FNDC3A: variants seen among roughly 807,000 people sequenced by gnomAD.
FNDC3A encodes the protein fibronectin type III domain containing 3A, also known as fibronectin type-III domain-containing protein 3A.
Under a neutral mutation model 148.9 loss-of-function variants are expected in FNDC3A, and 32 were observed. That is an observed-to-expected ratio of 0.21 (90% CI 0.16 to 0.29). The LOEUF is 0.29. Among genes scored for constraint, FNDC3A ranks in the 10% least tolerant of loss-of-function variants. The pLI is 1.00. For synonymous variants in FNDC3A, 472 were observed against 473.6 expected (o/e 1.00, Z 0.04); for missense variants, 1,191 against 1,452.8 (o/e 0.82, Z 2.93).
chr13:49,084,216 A>AGT (rs1593567592), intron 3 of FNDC3A, among the ~76,000 whole-genome samples: 1 of 152,316 alleles, frequency 6.6e-6, no homozygotes, highest in East Asian at 1.9e-4. Flanking sequence ...ACTTAACTGA[A>AGT]GTGGAGTATT....
intron 1 of FNDC3A, among the ~76,000 whole-genome samples, chr13:48,991,316 T>A (rs1951911482): frequency 6.6e-6 from 1 of 152,046 alleles, no homozygotes; most frequent in Admixed American, 6.6e-5. Flanking sequence ...AAAGAATTCT[T>A]ACCAGAGATA....
At chr13:49,014,316 T>C (rs879818356) in intron 2 of FNDC3A, among the ~76,000 whole-genome samples, 1 of 104,544 alleles carries the variant, frequency 9.6e-6, no homozygotes, top group African/African-American at 3.7e-5. Flanking sequence ...GGTATCTCAT[T>C]GTGGTTTTGA....
chr13:49,151,180 G>C (rs1021738950), intron 8 of FNDC3A, among the ~76,000 whole-genome samples: 1 of 152,088 alleles, frequency 6.6e-6, no homozygotes, highest in Admixed American at 6.5e-5. Flanking sequence ...TGAGAGTGGG[G>C]GGTTGAAGTC....
chr13:49,128,545 C>T (rs1881842067), intron 4 of FNDC3A, among the ~76,000 whole-genome samples: 1 of 152,092 alleles, frequency 6.6e-6, no homozygotes, highest in Non-Finnish European at 1.5e-5. Flanking sequence ...GTCTCCAGAC[C>T]CTACCACATA....
intron 2 of FNDC3A, among the ~76,000 whole-genome samples, chr13:49,012,805 ATGTGTGTGTG>A (rs61137549): frequency 4.5e-5 from 6 of 134,518 alleles, no homozygotes; most frequent in East Asian, 2.2e-4. Flanking sequence ...GCAATTATAA[ATGTGTGTGTG>A]TGTGTGTGTG....
At chr13:49,045,618 C>A (rs1333228998) in intron 2 of FNDC3A, 3 of 604,938 alleles carry the variant, frequency 5.0e-6, no homozygotes, top group African/African-American at 3.9e-5. Flanking sequence ...AAAGGTGAGT[C>A]TAGTTCTGTT....
At chr13:49,079,149 G>A (rs1878307712) in intron 3 of FNDC3A, among the ~76,000 whole-genome samples, 1 of 152,258 alleles carries the variant, frequency 6.6e-6, no homozygotes, top group African/African-American at 2.4e-5. Flanking sequence ...AGCTAGTTAT[G>A]GGCAGAGTTC....
chr13:49,147,275 G>T (rs1258705067), intron 8 of FNDC3A, among the ~76,000 whole-genome samples: 1 of 152,160 alleles, frequency 6.6e-6, no homozygotes, highest in African/African-American at 2.4e-5. Flanking sequence ...AGCCTGACCA[G>T]GGAGCACGAG....
Position 49,198,154 on chromosome 13 carries a change from A to T in FNDC3A, c.2663A>T (p.His888Leu), listed in dbSNP as rs1357836327. 1 of 1,614,212 alleles carries T rather than the reference A, an allele frequency of 6.2e-7. No individual in the cohort carries two copies. The highest frequency in any genetic ancestry group is 2.2e-5 in the East Asian group (1 of 44,888). ...ATAAGCTGGGAAAAGCCTTGTGATC[A>T]TGGTTCGGAAATCCTTGCCTACAGC... is the stretch of plus-strand genomic sequence containing the variant. ...LAISWEKPCDHGSEILAYSID... is the reference protein window; with the variant it reads ...LAISWEKPCDLGSEILAYSID... The change falls in exon 22 of 26, where the codon CAT (histidine) becomes CTT (leucine). Residue 888 changes from histidine to leucine, a missense_variant. By Grantham distance (99) the His-to-Leu change is moderately conservative. Transcript: ENST00000492622.
Position 48,982,252 on chromosome 13 carries a change from A to T in FNDC3A, c.-40+6075A>T, listed in dbSNP as rs900839221. On this transcript the variant is annotated intron_variant, in intron 1 of 25. Coordinates refer to ENST00000492622, the MANE Select transcript of FNDC3A (RefSeq NM_001079673.2). ...GCGATTTTATGTTTAAATTTTCTAAATTTTTTTTGTTTTCTTAAGACAGAC... is the reference window on the plus strand; with the variant it reads ...GCGATTTTATGTTTAAATTTTCTAATTTTTTTTTGTTTTCTTAAGACAGAC... Among the ~76,000 whole-genome samples the T allele has an allele frequency of 2.0e-5, 3 of 151,766 alleles. 1 individual carries two copies. Among genetic ancestry groups the T allele is most frequent in the South Asian group, 4.2e-4 (2 of 4,818 alleles).
At chr13:49,075,647 C>A (rs1878044831) in intron 3 of FNDC3A, among the ~76,000 whole-genome samples, 1 of 152,160 alleles carries the variant, frequency 6.6e-6, no homozygotes, top group African/African-American at 2.4e-5. Flanking sequence ...CTTAGTTTTT[C>A]AGAAAGATCA....
intron 3 of FNDC3A, among the ~76,000 whole-genome samples, chr13:49,082,967 G>C (rs1878577236): frequency 2.0e-5 from 3 of 152,126 alleles, no homozygotes; most frequent in African/African-American, 7.2e-5. Flanking sequence ...GACCTGGGTT[G>C]TAGGAGTCCC....
Position 49,038,103 on chromosome 13 carries a change from T to A in FNDC3A, c.99+31814T>A, listed in dbSNP as rs533318558. ...TCCAGCGGCCGATCTCTTCTCTGAT[T>A]GTCCCCACTGAACTCTTGGTGTTCA... On this transcript the variant is annotated intron_variant, in intron 2 of 25. Transcript: ENST00000492622. 3.3e-5 allele frequency among the ~76,000 whole-genome samples: 5 copies of A among 152,320 alleles called. No homozygotes were observed. In the South Asian group the frequency reaches 1.0e-3, roughly 32 times the overall value.
At chr13:49,182,271 G>A (rs1400175219) in intron 14 of FNDC3A, among the ~76,000 whole-genome samples, 2 of 152,122 alleles carry the variant, frequency 1.3e-5, no homozygotes, top group Non-Finnish European at 2.9e-5. Flanking sequence ...TTACAGGCAT[G>A]AGCCACGACA....
chr13:49,013,217 A>G (rs1952394311), intron 2 of FNDC3A, among the ~76,000 whole-genome samples: 1 of 152,100 alleles, frequency 6.6e-6, no homozygotes, highest in Non-Finnish European at 1.5e-5. Context: ...CAGGAGGCTG[A>G]GATGGGAGGA....
At chr13:49,000,529 T>C (rs1475867098) in intron 1 of FNDC3A, among the ~76,000 whole-genome samples, 1 of 152,242 alleles carries the variant, frequency 6.6e-6, no homozygotes, top group African/African-American at 2.4e-5. Flanking sequence ...TTCAACTTTG[T>C]TTTCTTTCAA....
chr13:49,158,019 C>T (rs1364715153), intron 8 of FNDC3A, among the ~76,000 whole-genome samples: 2 of 151,574 alleles, frequency 1.3e-5, no homozygotes, highest in Non-Finnish European at 2.9e-5. Flanking sequence ...CAGAGGCAGG[C>T]AGGCTTCCTG....
At chr13:49,057,652 A>G (rs1042623162) in intron 2 of FNDC3A, among the ~76,000 whole-genome samples, 11 of 152,176 alleles carry the variant, frequency 7.2e-5, no homozygotes, top group African/African-American at 2.7e-4. Context: ...TATACTTTTA[A>G]TGCATTAGTT....
chr13:49,031,535 A>G lies in FNDC3A; in HGVS notation c.99+25246A>G, dbSNP rs1874120319. The stretch of plus-strand genomic sequence containing the variant: ...GGTGCCTAGATGATTCTGCTGGGAA[A>G]GAATGGTCATTTCAACAAATGGTGC... On this transcript the variant is annotated intron_variant, in intron 2 of 25. Transcript: ENST00000492622. Among the ~76,000 whole-genome samples the G allele has an allele frequency of 2.0e-5, 3 of 152,198 alleles. No individual in the cohort carries two copies. The South Asian group carries it at 6.2e-4, about 32-fold the overall frequency.
Sources: allele counts gnomAD v4.1 joint callset (sites outside exome capture counted in the v4.1 genomes callset), GRCh38; gene constraint gnomAD v4.1.1; transcripts MANE v1.5; gene names NCBI Gene and HGNC (gene_info 2026-07-23, HGNC 2026-07-21).